The following FARP2 variants were observed in gnomAD, a reference collection of about 807,000 sequenced individuals.
FARP2 encodes the protein FERM, ARH/RhoGEF and pleckstrin domain protein 2.
In FARP2, 111 loss-of-function variants were observed where a neutral mutation model predicts 130.5. The observed-to-expected ratio is 0.85, with a 90% CI of 0.73 to 1.00. The LOEUF (loss-of-function observed/expected upper bound fraction) is 1.00, where lower values mean the gene tolerates loss of function less well. Ranked by LOEUF, FARP2 falls within the 50% of genes least tolerant of loss-of-function variation. The pLI, the probability that FARP2 is intolerant of heterozygous loss-of-function variation, is 0.00. For synonymous variants in FARP2, 504 were observed against 516.9 expected, an observed-to-expected ratio of 0.98 and a Z score of 0.34; for missense variants, 1,385 against 1,346.3, an observed-to-expected ratio of 1.03 and a Z score of -0.45.
chr2:241,439,822 A>C (rs2063336125), intron 12 of FARP2, among the ~76,000 whole-genome samples: 1 of 152,036 alleles, frequency 6.6e-6, no homozygotes, highest in South Asian at 2.1e-4. Context: ...TTAGTGAGGC[A>C]TGGTAGGCGC....
chr2:241,444,513 G>T (rs929408), intron 13 of FARP2: 13,654 of 152,256 alleles, frequency 0.09, 630 homozygotes, highest in Middle Eastern at 0.15. Context: ...CGTCTGGACA[G>T]CAGGTTAGGT....
At chr2:241,452,610 T>C (rs940845827) in intron 13 of FARP2, among the ~76,000 whole-genome samples, 2 of 151,802 alleles carry the variant, frequency 1.3e-5, no homozygotes, top group Admixed American at 1.3e-4. Flanking sequence ...CAAGTTCAGA[T>C]TGGACTTCAT....
At chr2:241,356,902 G>T (rs2061081595) in intron 1 of FARP2, among the ~76,000 whole-genome samples, 1 of 152,266 alleles carries the variant, frequency 6.6e-6, no homozygotes, top group Non-Finnish European at 1.5e-5. Context: ...TATCTTAAAG[G>T]TGGGAATCAA....
intron 11 of FARP2, among the ~76,000 whole-genome samples, chr2:241,435,480 T>C (rs1243758683): frequency 2.0e-5 from 3 of 151,996 alleles, no homozygotes; most frequent in East Asian, 3.9e-4. Flanking sequence ...AGGAGTTCAG[T>C]TTCAATGTTT....
chr2:241,373,550 T>C (rs890403286), intron 2 of FARP2, among the ~76,000 whole-genome samples: 1 of 152,248 alleles, frequency 6.6e-6, no homozygotes, highest in African/African-American at 2.4e-5. Context: ...GCTAAGAGAC[T>C]GCTGGAAGGT....
At chr2:241,488,727 T>G (rs532286457) in intron 21 of FARP2, 1 of 152,204 alleles carries the variant, frequency 6.6e-6, no homozygotes, top group Non-Finnish European at 1.5e-5. Flanking sequence ...GATATTAGAT[T>G]GAGATGTAAC....
chr2:241,391,766 T>TC (rs2061910740), intron 2 of FARP2, among the ~76,000 whole-genome samples: 1 of 152,134 alleles, frequency 6.6e-6, no homozygotes, highest in Non-Finnish European at 1.5e-5. Flanking sequence ...TGGCTTTTTT[T>TC]CTCCCCACTC....
Position 241,459,754 on chromosome 2 carries a change from G to A in FARP2, c.1588-2769G>A, listed in dbSNP as rs2063962447. 6.6e-6 allele frequency among the ~76,000 whole-genome samples: 1 copy of A among 151,598 alleles called. No individual in the cohort carries two copies. On this transcript the variant is annotated intron_variant, in intron 14 of 26. Transcript: ENST00000264042. This position sits in a 1 kb window ranked among gnomAD's most constrained non-coding sequence, Gnocchi z 5.3. The stretch of plus-strand genomic sequence containing the variant: ...TGACATTGATCTAGAGGTGGGGGCA[G>A]CGTGGCAGCTGCTGTATTTTCTGTC...
intron 5 of FARP2, among the ~76,000 whole-genome samples, chr2:241,410,670 T>C (rs1307201756): frequency 6.6e-6 from 1 of 152,124 alleles, no homozygotes; most frequent in East Asian, 1.9e-4. Context: ...CCTCAGGTGA[T>C]CCACCCGCCC....
chr2:241,424,832 T>A (rs2150383809), intron 8 of FARP2, among the ~76,000 whole-genome samples: 1 of 152,192 alleles, frequency 6.6e-6, no homozygotes, highest in East Asian at 1.9e-4. Flanking sequence ...TCTATGCACA[T>A]AAAGTGGAAA....
intron 14 of FARP2, among the ~76,000 whole-genome samples, chr2:241,458,481 G>A (rs915205656): frequency 2.6e-5 from 4 of 152,212 alleles, no homozygotes; most frequent in African/African-American, 9.6e-5. Flanking sequence ...GGTGCCCTGA[G>A]GGTCCCCCTG....
intron 22 of FARP2, 40 bp downstream of exon 22, chr2:241,490,084 T>TGGA: frequency 1.4e-6 from 2 of 1,452,088 alleles, no homozygotes; most frequent in Non-Finnish European, 1.9e-6. Flanking sequence ...CAGCCCTGGA[T>TGGA]GGAGGGGTGG....
intron 8 of FARP2, among the ~76,000 whole-genome samples, chr2:241,423,383 A>G (rs1263755867): frequency 3.3e-5 from 5 of 152,216 alleles, no homozygotes; most frequent in Non-Finnish European, 1.5e-5. Context: ...CAAAACAGAA[A>G]TAAGATTCTT....
At chr2:241,464,067 G>A (rs1189837813) in intron 17 of FARP2, 87 bp downstream of exon 17, 26 of 1,115,394 alleles carry the variant, frequency 2.3e-5, no homozygotes, top group East Asian at 5.0e-5. Context: ...TCAGAACAGC[G>A]TCCCCTCAGA....
chr2:241,369,433 T>G (rs1189523717), intron 1 of FARP2, among the ~76,000 whole-genome samples: 1 of 152,028 alleles, frequency 6.6e-6, no homozygotes, highest in East Asian at 1.9e-4. Flanking sequence ...AGTCCCTCTC[T>G]CCCATCAAGA....
rs1243197749 is a variant in FARP2, at chr2:241,475,606, T to A, written c.2132-251T>A. The stretch of plus-strand genomic sequence containing the variant: ...TCCTTGTGAGAATCTAACAAATGCC[T>A]GATGATCTGAGGTGGAACAGTTTCA... On this transcript the variant is annotated intron_variant, in intron 18 of 26. Coordinates refer to ENST00000264042, the MANE Select transcript of FARP2 (RefSeq NM_014808.4). The surrounding 1 kb of genome is among the most constrained non-coding windows in gnomAD (Gnocchi z 4.4). 2.0e-5 allele frequency among the ~76,000 whole-genome samples: 3 copies of A among 152,234 alleles called. No homozygotes were observed. The highest frequency in any genetic ancestry group is 4.4e-5 in the Non-Finnish European group (3 of 68,042).
intron 14 of FARP2, 30 bp from the exon 15 acceptor site, chr2:241,462,493 C>G: frequency 6.5e-7 from 1 of 1,545,188 alleles, no homozygotes; most frequent in Non-Finnish European, 8.9e-7. Context: ...GTCCCAGGGA[C>G]GCACACTTAC....
At chr2:241,386,838 TTAAC>T (rs1459785889) in intron 2 of FARP2, 29 of 152,262 alleles carry the variant, frequency 1.9e-4, no homozygotes, top group Non-Finnish European at 4.1e-4. Flanking sequence ...ACTGGTTTCT[TTAAC>T]TGTTTGGGAT....
intron 17 of FARP2, chr2:241,466,587 A>G: frequency 1.0e-6 from 1 of 985,178 alleles, no homozygotes; most frequent in Middle Eastern, 5.2e-4. Flanking sequence ...GCGAGTGTGG[A>G]TGCATAGACA....
Sources: gnomAD v4.1 joint callset for allele counts (sites outside exome capture counted in the v4.1 genomes callset) on GRCh38, gnomAD v4.1.1 for gene constraint, Gnocchi (gnomAD v3.1) non-coding constraint, MANE v1.5 for transcripts, NCBI Gene and HGNC (gene_info 2026-07-23, HGNC 2026-07-21) for gene names.